The following GRK5 variants were observed in gnomAD, a reference collection of about 807,000 sequenced individuals.
GRK5 encodes G protein-coupled receptor kinase 5.
GRK5 carries 40 observed loss-of-function variants against 78.4 expected under a neutral mutation model. The ratio of observed to expected loss-of-function variants is 0.51; its 90% confidence interval spans 0.40 to 0.66. The LOEUF is 0.66. Among genes scored for constraint, GRK5 ranks in the 30% least tolerant of loss-of-function variants. The probability of loss-of-function intolerance (pLI) is 0.00; values close to 1 mark genes in which losing one functional copy is unlikely to be tolerated. For synonymous variants in GRK5, 289 were observed against 296.8 expected, an observed-to-expected ratio of 0.97 and a Z score of 0.27; for missense variants, 598 against 759.9, an observed-to-expected ratio of 0.79 and a Z score of 2.50.
At chr10:119,447,684 A>G (rs1482839636) in intron 12 of GRK5, among the ~76,000 whole-genome samples, 1 of 152,128 alleles carries the variant, frequency 6.6e-6, no homozygotes, top group Admixed American at 6.5e-5. Flanking sequence ...GAGCACTCCT[A>G]GAGGCCAAGT....
At chr10:119,401,996 C>T (rs1480998429) in intron 4 of GRK5, among the ~76,000 whole-genome samples, 1 of 152,192 alleles carries the variant, frequency 6.6e-6, no homozygotes, top group African/African-American at 2.4e-5. Flanking sequence ...CTGGCTGCTC[C>T]TGTGGCCCCA....
At chr10:119,402,806 G>A (rs1489366548) in intron 4 of GRK5, among the ~76,000 whole-genome samples, 2 of 152,126 alleles carry the variant, frequency 1.3e-5, no homozygotes, top group Non-Finnish European at 2.9e-5. Flanking sequence ...GTGAGCCAAG[G>A]TCGTGCCACT....
intron 1 of GRK5, among the ~76,000 whole-genome samples, chr10:119,308,682 G>A (rs1230634633): frequency 2.6e-5 from 4 of 152,220 alleles, no homozygotes; most frequent in Admixed American, 2.0e-4. Flanking sequence ...GCTTTCTTAC[G>A]CCTCGTTCTG....
At chr10:119,309,372 A>G (rs1050861521) in intron 1 of GRK5, among the ~76,000 whole-genome samples, 1 of 152,216 alleles carries the variant, frequency 6.6e-6, no homozygotes, top group African/African-American at 2.4e-5. Flanking sequence ...GGGGAGGCAG[A>G]GCCGAGCTCA....
chr10:119,368,773 C>A (rs1851494936), intron 2 of GRK5, among the ~76,000 whole-genome samples: 1 of 152,246 alleles, frequency 6.6e-6, no homozygotes, highest in Non-Finnish European at 1.5e-5. Flanking sequence ...CAGCTCTGAG[C>A]AGCAGGCAGC....
intron 1 of GRK5, among the ~76,000 whole-genome samples, chr10:119,288,041 G>C (rs1849887236): frequency 6.6e-6 from 1 of 152,256 alleles, no homozygotes. Flanking sequence ...GCCTGTGCCT[G>C]TGTCCTCTGC....
At chr10:119,335,758 G>A (rs1025355038) in intron 2 of GRK5, among the ~76,000 whole-genome samples, 3 of 152,250 alleles carry the variant, frequency 2.0e-5, no homozygotes, top group Non-Finnish European at 2.9e-5. Context: ...TTGTGTCACA[G>A]GCCACCCTTG....
intron 1 of GRK5, among the ~76,000 whole-genome samples, chr10:119,214,803 G>A (rs553256155): frequency 1.1e-4 from 17 of 152,350 alleles, no homozygotes; most frequent in African/African-American, 4.1e-4. Flanking sequence ...CTACAGGTGT[G>A]AGCCACCACG....
chr10:119,403,063 C>T (rs1466266685), intron 4 of GRK5, among the ~76,000 whole-genome samples: 3 of 152,238 alleles, frequency 2.0e-5, no homozygotes, highest in Non-Finnish European at 4.4e-5. Flanking sequence ...CCCTGTTCCC[C>T]TTTCCTCCCA....
chr10:119,370,975 C>T (rs960822286), intron 2 of GRK5, among the ~76,000 whole-genome samples: 49 of 143,800 alleles, frequency 3.4e-4, no homozygotes, highest in Admixed American at 1.2e-3. Context: ...TCCACCCCCC[C>T]GCCCCACTCC....
chr10:119,248,525 T>C (rs1338542028), intron 1 of GRK5, among the ~76,000 whole-genome samples: 1 of 152,090 alleles, frequency 6.6e-6, no homozygotes, highest in East Asian at 1.9e-4. Context: ...AATGAAGCAA[T>C]GATAGCATGA....
intron 1 of GRK5, among the ~76,000 whole-genome samples, chr10:119,301,701 G>A (rs1431280608): frequency 1.3e-5 from 2 of 152,148 alleles, no homozygotes; most frequent in African/African-American, 4.8e-5. Context: ...CTTTGACCAC[G>A]CCTCCTTACC....
chr10:119,330,991 G>A (rs1451962672), intron 2 of GRK5, among the ~76,000 whole-genome samples: 2 of 152,142 alleles, frequency 1.3e-5, no homozygotes, highest in Non-Finnish European at 2.9e-5. Context: ...CTCCCCATAA[G>A]CTTCCAGGCA....
chr10:119,313,134 A>ATGGTGGTGGTGG, intron 1 of GRK5, among the ~76,000 whole-genome samples: 1 of 116,178 alleles, frequency 8.6e-6, no homozygotes, highest in African/African-American at 3.3e-5. Flanking sequence ...GATGATGGTA[A>ATGGTGGTGGTGG]TGATGGTAGT....
intron 1 of GRK5, among the ~76,000 whole-genome samples, chr10:119,209,931 A>G (rs761379672): frequency 3.9e-5 from 6 of 152,124 alleles, no homozygotes; most frequent in Admixed American, 1.3e-4. Flanking sequence ...AGTGATATCA[A>G]TTCCACCCGC....
rs926288931 is a variant in GRK5, at chr10:119,378,560, G to A, written c.149-2255G>A. Among the ~76,000 whole-genome samples, 1 of 152,266 alleles carries A rather than the reference G, an allele frequency of 6.6e-6. No individual in the cohort carries two copies. The highest frequency in any genetic ancestry group is 2.4e-5 in the African/African-American group (1 of 41,470). ...CTGGCCGCGGCTCTTTCCGTTCCAG[G>A]AGGCAGACAGCGGAGTGCTGAGGCC... On this transcript the variant is annotated intron_variant, in intron 2 of 15. Transcript: ENST00000392870. The surrounding 1 kb of genome is among the most constrained non-coding windows in gnomAD (Gnocchi z 4.5).
chr10:119,331,199 C>T (rs1850771672), intron 2 of GRK5, among the ~76,000 whole-genome samples: 1 of 152,242 alleles, frequency 6.6e-6, no homozygotes, highest in Non-Finnish European at 1.5e-5. Context: ...TGGCAGGGCC[C>T]ACTCCCCTGG....
intron 1 of GRK5, among the ~76,000 whole-genome samples, chr10:119,303,467 C>T (rs750996220): frequency 2.0e-5 from 3 of 151,970 alleles, no homozygotes; most frequent in Admixed American, 6.5e-5. Flanking sequence ...GAAGGCTGTG[C>T]GATGAGCATG....
chr10:119,322,794 C>T (rs1850608322), intron 1 of GRK5, among the ~76,000 whole-genome samples: 1 of 152,190 alleles, frequency 6.6e-6, no homozygotes, highest in African/African-American at 2.4e-5. Context: ...CCAGCAATTT[C>T]CCTCCTGAGT....
Sources: gnomAD v4.1 joint callset for allele counts (sites outside exome capture counted in the v4.1 genomes callset) on GRCh38, gnomAD v4.1.1 for gene constraint, Gnocchi (gnomAD v3.1) non-coding constraint, MANE v1.5 for transcripts, NCBI Gene and HGNC (gene_info 2026-07-23, HGNC 2026-07-21) for gene names.